CAPZB: variants seen among roughly 807,000 people sequenced by gnomAD.
CAPZB encodes the protein F-actin-capping protein subunit beta.
A neutral mutation model predicts 38.1 loss-of-function variants in CAPZB; 2 were observed. That is an observed-to-expected ratio of 0.05 (90% CI 0.02 to 0.17). The LOEUF is 0.17. Ranked by LOEUF, CAPZB falls within the 10% of genes least tolerant of loss-of-function variation. CAPZB has a pLI of 1.00. For synonymous variants in CAPZB, 107 were observed against 127.4 expected (o/e 0.84, Z 1.08); for missense variants, 161 against 334.2 (o/e 0.48, Z 4.04).
At chr1:19,349,494 G>A (rs906979296) in intron 6 of CAPZB, among the ~76,000 whole-genome samples, 1 of 152,210 alleles carries the variant, frequency 6.6e-6, no homozygotes, top group African/African-American at 2.4e-5. Flanking sequence ...CCAAAGAGAG[G>A]CCGCGGCCAT....
intron 1 of CAPZB, among the ~76,000 whole-genome samples, chr1:19,427,954 A>G (rs940214193): frequency 6.6e-6 from 1 of 152,230 alleles, no homozygotes; most frequent in Non-Finnish European, 1.5e-5. Flanking sequence ...TAACCATTCT[A>G]GTCCTACTCT....
intron 1 of CAPZB, among the ~76,000 whole-genome samples, chr1:19,452,099 A>G (rs956619946): frequency 3.3e-5 from 5 of 151,980 alleles, no homozygotes; most frequent in African/African-American, 1.2e-4. Flanking sequence ...TTACCTGGCC[A>G]GTCCTCACTG....
chr1:19,457,719 C>A (rs775616078), intron 1 of CAPZB, among the ~76,000 whole-genome samples: 1 of 152,188 alleles, frequency 6.6e-6, no homozygotes, highest in African/African-American at 2.4e-5. Flanking sequence ...CGGCCTGACA[C>A]TTTGGAAAGC....
chr1:19,370,380 G>A (rs1184594155), intron 4 of CAPZB, among the ~76,000 whole-genome samples: 2 of 152,222 alleles, frequency 1.3e-5, no homozygotes, highest in African/African-American at 4.8e-5. Flanking sequence ...GAGCAAAGGA[G>A]GCTGAGGGAG....
At position 19,389,319 on chromosome 1, in the gene CAPZB, C is replaced by T. The variant is rs1449757558; in HGVS notation, c.94-3693G>A. 7.2e-5 allele frequency among the ~76,000 whole-genome samples: 11 copies of T among 152,178 alleles called. No individual in the cohort carries two copies. In the East Asian group the frequency reaches 1.2e-3, roughly 16 times the overall value. On this transcript the variant is annotated intron_variant, in intron 2 of 8. Coordinates refer to ENST00000264202, the MANE Select transcript of CAPZB (RefSeq NM_004930.5). The stretch of plus-strand genomic sequence containing the variant: ...CATTCCCCCACTTAAACATCTTCCC[C>T]ATTGAGGGTTGCTGGATAAAACAGA...
In CAPZB at chr1:19,484,273, G is replaced by C. The variant is rs779821934; in HGVS notation, c.3+1163C>G. On this transcript the variant is annotated intron_variant, in intron 1 of 8. Transcript: ENST00000264202. ...GGGAAGGGGAGGCTGCGCCTGCTTG[G>C]GTGCATCGTGTCCAGGCCATATGCT... 1.1e-5 allele frequency: 18 copies of C among 1,611,668 alleles called. No homozygotes were observed. In the African/African-American group the frequency reaches 2.3e-4, roughly 20 times the overall value.
chr1:19,385,838 G>C (rs1032785563), intron 2 of CAPZB: 3 of 706,400 alleles, frequency 4.2e-6, no homozygotes, highest in Non-Finnish European at 5.3e-6. Flanking sequence ...AATTACAGTG[G>C]AGCGTGATTT....
At chr1:19,394,852 G>A (rs925907685) in intron 2 of CAPZB, among the ~76,000 whole-genome samples, 2 of 152,136 alleles carry the variant, frequency 1.3e-5, no homozygotes, top group Non-Finnish European at 2.9e-5. Context: ...TTGATTCTGC[G>A]ATAGTATTCA....
At chr1:19,467,038 G>T (rs1191387411) in intron 1 of CAPZB, among the ~76,000 whole-genome samples, 6 of 151,668 alleles carry the variant, frequency 4.0e-5, no homozygotes, top group African/African-American at 1.5e-4. Flanking sequence ...TGGGACTCCA[G>T]ATGCACCATC....
At chr1:19,404,212 GAC>G (rs1271733127) in intron 2 of CAPZB, among the ~76,000 whole-genome samples, 1 of 136,744 alleles carries the variant, frequency 7.3e-6, no homozygotes, top group African/African-American at 2.7e-5. Context: ...CAGCCTGGGA[GAC>G]AGACTGAGAC....
chr1:19,422,440 C>A (rs1406366126), intron 1 of CAPZB, among the ~76,000 whole-genome samples: 1 of 152,176 alleles, frequency 6.6e-6, no homozygotes, highest in Admixed American at 6.5e-5. Context: ...GAAGACTGCA[C>A]ATGCAGGCAA....
Position 19,385,560 on chromosome 1 carries a change from C to T in CAPZB, c.160G>A (p.Val54Met). The T allele has an allele frequency of 6.2e-7, 1 of 1,614,146 alleles. No individual in the cohort carries two copies. Among genetic ancestry groups the T allele is most frequent in the Non-Finnish European group, 8.5e-7 (1 of 1,180,036 alleles). ...DQPLKIARDK[V>M]VGKDYLLCDY... ...CACAAAAGGTAATCCTTTCCCACCA[C>T]CTTGTCTCTGGCAATTTTCAGTGGC... The change falls in exon 3 of 9, where the codon GTG becomes ATG. Residue 54 changes from valine (V) to methionine (M), a missense_variant. By Grantham distance (21) the Val-to-Met change is conservative (BLOSUM62 1). Transcript: ENST00000264202.
At chr1:19,411,287 A>C (rs1460055642) in intron 2 of CAPZB, among the ~76,000 whole-genome samples, 1 of 152,252 alleles carries the variant, frequency 6.6e-6, no homozygotes, top group Non-Finnish European at 1.5e-5. Context: ...GGGAAGAGTC[A>C]AATTGTTAAT....
chr1:19,438,918 G>A (rs532404436), intron 1 of CAPZB, among the ~76,000 whole-genome samples: 5 of 152,338 alleles, frequency 3.3e-5, no homozygotes, highest in Non-Finnish European at 7.3e-5. Context: ...GAGGAAAGTG[G>A]CTTAGATCAT....
chr1:19,429,617 A>G (rs531439474), intron 1 of CAPZB, among the ~76,000 whole-genome samples: 61 of 152,336 alleles, frequency 4.0e-4, no homozygotes, highest in Admixed American at 7.2e-4. Flanking sequence ...AGCATCCTCC[A>G]TAAAGGGTAG....
At chr1:19,484,663 G>C in intron 1 of CAPZB, 1 of 1,164,394 alleles carries the variant, frequency 8.6e-7, no homozygotes, top group Non-Finnish European at 1.1e-6. Context: ...CAGGTACAGG[G>C]AAGGGGACCC....
chr1:19,449,692 T>A (rs985515560), intron 1 of CAPZB, among the ~76,000 whole-genome samples: 1 of 148,002 alleles, frequency 6.8e-6, no homozygotes, highest in Admixed American at 6.8e-5. Context: ...GGCTGAGGCA[T>A]GAGAAACCTT....
chr1:19,464,597 T>C lies in CAPZB; in HGVS notation c.3+20839A>G, dbSNP rs147782772. 1.3e-3 allele frequency among the ~76,000 whole-genome samples: 200 copies of C among 152,230 alleles called. 1 individual carries two copies. The highest frequency in any genetic ancestry group is 4.5e-3 in the African/African-American group (187 of 41,524). ...GTAAGCCACCGCACCCGGCCCTATCTGTGAAGATTTATAACAGATTTACTC... is the reference window on the plus strand; with the variant it reads ...GTAAGCCACCGCACCCGGCCCTATCCGTGAAGATTTATAACAGATTTACTC... On this transcript the variant is annotated intron_variant, in intron 1 of 8. Transcript: ENST00000264202.
At chr1:19,408,576 G>A (rs1041989532) in intron 2 of CAPZB, among the ~76,000 whole-genome samples, 2 of 152,206 alleles carry the variant, frequency 1.3e-5, no homozygotes, top group Non-Finnish European at 2.9e-5. Context: ...TCATAGGCCT[G>A]AGAGAAACTG....
Sources: gnomAD v4.1 joint callset for allele counts (sites outside exome capture counted in the v4.1 genomes callset) on GRCh38, gnomAD v4.1.1 for gene constraint, MANE v1.5 for transcripts, NCBI Gene and HGNC (gene_info 2026-07-23, HGNC 2026-07-21) for gene names.